Variants in FGF14 observed in about 807,000 individuals in gnomAD.
FGF14 encodes fibroblast growth factor 14, also known as fibroblast growth factor homologous factor 4.
FGF14 carries 5 observed loss-of-function variants against 25.5 expected under a neutral mutation model. The observed-to-expected ratio is 0.20, with a 90% CI of 0.10 to 0.41. The LOEUF (loss-of-function observed/expected upper bound fraction) is 0.41. FGF14 is among the 10% of genes least tolerant of loss of function. The pLI, the probability that FGF14 is intolerant of heterozygous loss-of-function variation, is 1.00. For missense variants in FGF14, 222 were observed against 320.1 expected, an observed-to-expected ratio of 0.69 and a Z score of 2.34; for synonymous variants, 138 against 118.3, an observed-to-expected ratio of 1.17 and a Z score of -1.08.
intron 1 of FGF14, among the ~76,000 whole-genome samples, chr13:102,390,546 T>G (rs1386524110): frequency 1.3e-5 from 2 of 152,214 alleles, no homozygotes; most frequent in Non-Finnish European, 2.9e-5. Context: ...GTCAGATTAC[T>G]TGGTTTTGGT....
intron 1 of FGF14, among the ~76,000 whole-genome samples, chr13:102,240,253 G>T (rs1031640927): frequency 6.6e-6 from 1 of 152,066 alleles, no homozygotes; most frequent in African/African-American, 2.4e-5. Flanking sequence ...TATATATAGC[G>T]ATCTTAATTC....
chr13:102,339,262 A>G (rs2056881244), intron 1 of FGF14, among the ~76,000 whole-genome samples: 1 of 152,006 alleles, frequency 6.6e-6, no homozygotes, highest in African/African-American at 2.4e-5. Context: ...ATTAAAAAAG[A>G]TAGATTCAAG....
rs567504598 is a variant in FGF14 at position 101,729,011 on chromosome 13, T to A, written c.409-2201A>T. Among the ~76,000 whole-genome samples the A allele has an allele frequency of 5.3e-5, 8 of 152,224 alleles. No homozygotes were observed. The East Asian group carries it at 1.5e-3, about 29-fold the overall frequency. On this transcript the variant is annotated intron_variant, in intron 3 of 4. Coordinates refer to ENST00000376143, the MANE Select transcript of FGF14 (RefSeq NM_004115.4). ...ATGGAAGAGAAGAAGATGCTTGATG[T>A]AGAGGAAGTAATTTATTCTCGGTGG... is the stretch of plus-strand genomic sequence containing the variant.
chr13:101,827,265 C>A (rs772205636), intron 3 of FGF14, among the ~76,000 whole-genome samples: 9 of 151,770 alleles, frequency 5.9e-5, no homozygotes, highest in Non-Finnish European at 8.8e-5. Context: ...GTGTAAATAA[C>A]CTTCTTTATA....
chr13:102,186,568 T>C (rs984050490), intron 1 of FGF14, among the ~76,000 whole-genome samples: 1 of 152,200 alleles, frequency 6.6e-6, no homozygotes. Flanking sequence ...AAGTAAGTTA[T>C]AATTCTCAAT....
chr13:101,833,577 A>T (rs562057595), intron 3 of FGF14, among the ~76,000 whole-genome samples: 2 of 152,174 alleles, frequency 1.3e-5, no homozygotes, highest in Non-Finnish European at 2.9e-5. Context: ...TACATTTTTT[A>T]AAGGACTATA....
At chr13:101,919,149 C>T (rs2033807574), upstream of FGF14, among the ~76,000 whole-genome samples, 1 of 152,030 alleles carries the variant, frequency 6.6e-6, no homozygotes, top group Non-Finnish European at 1.5e-5. Context: ...TTGAGTGTGT[C>T]TGTTGTTTTA....
At chr13:102,335,894 GT>G (rs962590053) in intron 1 of FGF14, among the ~76,000 whole-genome samples, 1 of 152,084 alleles carries the variant, frequency 6.6e-6, no homozygotes, top group Non-Finnish European at 1.5e-5. Context: ...TATTGTAATT[GT>G]TTTGGGGTGC....
chr13:101,809,722 G>A (rs565769874), intron 3 of FGF14, among the ~76,000 whole-genome samples: 10 of 152,250 alleles, frequency 6.6e-5, no homozygotes, highest in African/African-American at 1.9e-4. Flanking sequence ...CCTAAATTTT[G>A]CAGTTTCTGA....
At chr13:102,289,750 C>A (rs1334776789) in intron 1 of FGF14, among the ~76,000 whole-genome samples, 4 of 152,116 alleles carry the variant, frequency 2.6e-5, no homozygotes, top group Non-Finnish European at 5.9e-5. Flanking sequence ...TAGGTACAGG[C>A]CTTAGACAAT....
At chr13:102,130,182 G>A (rs531513261) in intron 1 of FGF14, among the ~76,000 whole-genome samples, 6 of 152,206 alleles carry the variant, frequency 3.9e-5, no homozygotes, top group East Asian at 1.9e-4. Context: ...ACTCCAGCCC[G>A]GGGAAGAAGC....
intron 3 of FGF14, among the ~76,000 whole-genome samples, chr13:101,738,467 C>T (rs183437972): frequency 2.6e-5 from 4 of 152,188 alleles, no homozygotes; most frequent in South Asian, 2.1e-4. Context: ...CTTTATTAGC[C>T]GGGAACACAT....
chr13:102,217,882 A>T (rs556549294), intron 1 of FGF14, among the ~76,000 whole-genome samples: 144 of 152,290 alleles, frequency 9.5e-4, no homozygotes, highest in Non-Finnish European at 1.5e-3. Flanking sequence ...AAAGCCCGGA[A>T]CACTGGTGGC....
At chr13:102,273,217 G>A (rs1178837384) in intron 1 of FGF14, among the ~76,000 whole-genome samples, 1 of 151,978 alleles carries the variant, frequency 6.6e-6, no homozygotes, top group Non-Finnish European at 1.5e-5. Flanking sequence ...TTTTGGACAG[G>A]GACACTAAAA....
At chr13:101,925,811 A>T (rs1406737206) in intron 1 of FGF14, among the ~76,000 whole-genome samples, 1 of 152,214 alleles carries the variant, frequency 6.6e-6, no homozygotes, top group Admixed American at 6.5e-5. Flanking sequence ...GCAGGTAGAC[A>T]GTCCCAAATC....
intron 1 of FGF14, among the ~76,000 whole-genome samples, chr13:102,118,051 G>A (rs2045554972): frequency 6.6e-6 from 1 of 152,060 alleles, no homozygotes; most frequent in African/African-American, 2.4e-5. Context: ...CCAATCACAA[G>A]AGAACATAAT....
At chr13:102,013,776 T>G (rs138484505) in intron 1 of FGF14, among the ~76,000 whole-genome samples, 212 of 152,324 alleles carry the variant, frequency 1.4e-3, no homozygotes, top group Non-Finnish European at 2.6e-3. Flanking sequence ...TATGACATTT[T>G]ATTTCATTGT....
At chr13:101,753,280 C>G (rs533842319) in intron 3 of FGF14, among the ~76,000 whole-genome samples, 3 of 122,054 alleles carry the variant, frequency 2.5e-5, no homozygotes, top group South Asian at 3.2e-4. Context: ...TACACACACA[C>G]ACAGACACAC....
At position 102,339,888 on chromosome 13, in the gene FGF14, C is replaced by T. The variant is rs543681737; in HGVS notation, c.208+61583G>A. The stretch of plus-strand genomic sequence containing the variant: ...TAAAAAAGAATAAAAAAGGACCACA[C>T]CATCTAAAGTGAGTTAAGCACTCAC... On this transcript the variant is annotated intron_variant, in intron 1 of 4. Coordinates refer to the FGF14 transcript ENST00000376131. 7.9e-5 allele frequency among the ~76,000 whole-genome samples: 12 copies of T among 152,240 alleles called. No individual in the cohort carries two copies. The East Asian group carries it at 1.9e-3, about 25-fold the overall frequency.
Sources: allele counts gnomAD v4.1 joint callset (sites outside exome capture counted in the v4.1 genomes callset), GRCh38; gene constraint gnomAD v4.1.1; transcripts MANE v1.5; gene names NCBI Gene and HGNC (gene_info 2026-07-23, HGNC 2026-07-21).